CUX1: variants seen among roughly 807,000 people sequenced by gnomAD.
CUX1 encodes the protein cut like homeobox 1.
A neutral mutation model predicts 158.8 loss-of-function variants in CUX1; 31 were observed. The ratio of observed to expected loss-of-function variants is 0.20; its 90% CI spans 0.15 to 0.26. The LOEUF is 0.26. Among genes scored for constraint, CUX1 ranks in the 10% least tolerant of loss-of-function variants. CUX1 has a pLI of 1.00. For synonymous variants in CUX1, 879 were observed against 862.1 expected (o/e 1.02, Z -0.34); for missense variants, 1,589 against 2,014.6 (o/e 0.79, Z 4.04).
chr7:102,068,664 G>A (rs1825810732), intron 3 of CUX1, among the ~76,000 whole-genome samples: 1 of 152,186 alleles, frequency 6.6e-6, no homozygotes, highest in Non-Finnish European at 1.5e-5. Flanking sequence ...CGGTGGCTCA[G>A]GTGAGAGGCC....
At chr7:102,088,662 A>G (rs1828198284) in intron 4 of CUX1, among the ~76,000 whole-genome samples, 1 of 152,254 alleles carries the variant, frequency 6.6e-6, no homozygotes, top group South Asian at 2.1e-4. Flanking sequence ...ATAAAATGAA[A>G]TAGTTTGTTG....
intron 2 of CUX1, among the ~76,000 whole-genome samples, chr7:101,922,760 G>C (rs1805101963): frequency 6.6e-6 from 1 of 152,216 alleles, no homozygotes; most frequent in African/African-American, 2.4e-5. Flanking sequence ...CTTGGGCTGG[G>C]TGCTGGGGAG....
At chr7:102,030,717 G>A (rs1280594602) in intron 3 of CUX1, among the ~76,000 whole-genome samples, 9 of 26,254 alleles carry the variant, frequency 3.4e-4, no homozygotes, top group Non-Finnish European at 6.8e-4. Context: ...ACAGGGTCTC[G>A]CTCGGTAACC....
At chr7:101,856,182 CAAAAAAAA>C (rs768518044) in intron 1 of CUX1, among the ~76,000 whole-genome samples, 15 of 48,048 alleles carry the variant, frequency 3.1e-4, no homozygotes, top group African/African-American at 6.0e-4. Flanking sequence ...GACCCTGTCT[CAAAAAAAA>C]AAAAAAAAAA....
intron 8 of CUX1, among the ~76,000 whole-genome samples, chr7:102,148,711 AAT>A (rs1352154213): frequency 6.8e-6 from 1 of 148,016 alleles, no homozygotes; most frequent in East Asian, 1.9e-4. Flanking sequence ...ATAATATATT[AAT>A]ATATATATAT....
At chr7:102,060,535 G>A (rs181913380) in intron 3 of CUX1, among the ~76,000 whole-genome samples, 91 of 142,642 alleles carry the variant, frequency 6.4e-4, no homozygotes, top group African/African-American at 2.1e-3. Context: ...CTTAATGGAC[G>A]AAGAGATCAA....
intron 4 of CUX1, among the ~76,000 whole-genome samples, chr7:102,076,742 C>T (rs1005722235): frequency 2.6e-4 from 39 of 151,768 alleles, no homozygotes; most frequent in African/African-American, 9.2e-4. Context: ...AAAGTAATTG[C>T]GACCGGGTGC....
chr7:101,975,969 C>T (rs1354064562), intron 2 of CUX1, among the ~76,000 whole-genome samples: 8 of 152,172 alleles, frequency 5.3e-5, no homozygotes, highest in Middle Eastern at 6.8e-3. Flanking sequence ...GGTGAAACCC[C>T]GTCTCTACTA....
At chr7:102,271,954 G>A (rs1025286962) in intron 14 of CUX1, among the ~76,000 whole-genome samples, 7 of 152,156 alleles carry the variant, frequency 4.6e-5, no homozygotes, top group Non-Finnish European at 8.8e-5. Flanking sequence ...CCTTGGAGGC[G>A]GAGGTTGCAG....
intron 2 of CUX1, among the ~76,000 whole-genome samples, chr7:102,026,536 T>C (rs1238390615): frequency 6.6e-6 from 1 of 151,986 alleles, no homozygotes; most frequent in African/African-American, 2.4e-5. Context: ...AACTAAAATG[T>C]AGGCCTAGCC....
At chr7:101,882,781 G>A (rs1799849506) in intron 1 of CUX1, among the ~76,000 whole-genome samples, 1 of 152,318 alleles carries the variant, frequency 6.6e-6, no homozygotes. Flanking sequence ...GTGGGCGTGG[G>A]ATGGAGTCTT....
intron 23 of CUX1, among the ~76,000 whole-genome samples, chr7:102,240,528 G>T (rs1260562929): frequency 6.6e-6 from 1 of 151,946 alleles, no homozygotes; most frequent in East Asian, 1.9e-4. Flanking sequence ...AAAGCCTTGT[G>T]ATTATAGACA....
At chr7:102,029,336 G>T (rs370086537) in intron 3 of CUX1, among the ~76,000 whole-genome samples, 2 of 152,076 alleles carry the variant, frequency 1.3e-5, no homozygotes, top group Non-Finnish European at 2.9e-5. Context: ...GGGAACACAT[G>T]GGGGAAGGGA....
intron 20 of CUX1, among the ~76,000 whole-genome samples, chr7:102,216,689 A>C (rs1247707739): frequency 7.4e-6 from 1 of 135,792 alleles, no homozygotes; most frequent in Non-Finnish European, 1.6e-5. Flanking sequence ...ACACTCCCCC[A>C]CACACACTCC....
At position 101,913,388 on chromosome 7, in the gene CUX1, G is replaced by A. The variant is rs781408960; in HGVS notation, c.31-2727G>A. The A allele has an allele frequency of 5.5e-6, 7 of 1,265,472 alleles. No homozygotes were observed. The South Asian group carries it at 8.8e-5, about 16-fold the overall frequency. 78.4% of individuals were successfully genotyped at this position (1,265,472 alleles called of 1,614,324 possible). A position where few individuals can be genotyped will look rare whatever the true frequency, so the allele number is the denominator to read the frequency against. On this transcript the variant is annotated intron_variant, in intron 1 of 23. Transcript: ENST00000292535. ...GCAGACCCCCGTTGAGTCCCCGACTGCCAGCAGCAAGTTGCCGCAGGCGCA... is the reference window on the plus strand; with the variant it reads ...GCAGACCCCCGTTGAGTCCCCGACTACCAGCAGCAAGTTGCCGCAGGCGCA...
intron 20 of CUX1, among the ~76,000 whole-genome samples, chr7:102,216,166 T>C (rs1469915461): frequency 6.6e-6 from 1 of 152,090 alleles, no homozygotes; most frequent in Admixed American, 6.5e-5. Flanking sequence ...TAGCCAGGCG[T>C]AGTGGTGTGC....
chr7:102,254,247 G>A lies in CUX1; in HGVS notation c.*5205G>A. 1 of 985,418 alleles carries A rather than the reference G, an allele frequency of 1.0e-6. No homozygotes were observed. Among genetic ancestry groups the A allele is most frequent in the African/African-American group, 1.7e-5 (1 of 57,334 alleles). The allele number at this position is 985,418 out of a possible 1,614,324, so 61.0% of individuals were successfully genotyped here. ...TCCGCCTTCCTTTCTGTCCAGTCCT[G>A]CTCAGCTGTTAAGATCCATCATGGC... is the stretch of plus-strand genomic sequence containing the variant. On this transcript the variant is annotated 3_prime_UTR_variant, in exon 24 of 24. Coordinates refer to ENST00000292535, the MANE Select transcript of CUX1 (RefSeq NM_181552.4).
chr7:102,251,023 G>A lies in CUX1; in HGVS notation c.*1981G>A, dbSNP rs1239907349. 3 of 978,034 alleles carry A rather than the reference G, an allele frequency of 3.1e-6. No individual in the cohort carries two copies. Among genetic ancestry groups the A allele is most frequent in the Non-Finnish European group, 3.6e-6 (3 of 823,550 alleles). The allele number at this position is 978,034 out of a possible 1,614,324, so 60.6% of individuals were successfully genotyped here. A position where few individuals can be genotyped will look rare whatever the true frequency, so the allele number is the denominator to read the frequency against. On this transcript the variant is annotated 3_prime_UTR_variant, in exon 24 of 24. Transcript: ENST00000292535. ...GCTGTATTTTATTATCTGATTGTTA[G>A]GAAGGGATGAAAGGGGCAAATATTC...
intron 8 of CUX1, chr7:102,153,208 G>A (rs1835883978): frequency 6.6e-6 from 1 of 152,208 alleles, no homozygotes; most frequent in Admixed American, 6.5e-5. Context: ...TTTCCAGGAG[G>A]TGCCCAAGCC....
Sources: allele counts gnomAD v4.1 joint callset (sites outside exome capture counted in the v4.1 genomes callset), GRCh38; gene constraint gnomAD v4.1.1; transcripts MANE v1.5; gene names NCBI Gene and HGNC (gene_info 2026-07-23, HGNC 2026-07-21).